Variants in ECI2 observed in about 807,000 individuals in gnomAD.
ECI2 encodes the protein D3,D2-enoyl-CoA isomerase.
In ECI2, 27 loss-of-function variants were observed where a neutral mutation model predicts 38.4. That is an observed-to-expected ratio of 0.70 (90% CI 0.52 to 0.97). The LOEUF (loss-of-function observed/expected upper bound fraction) is 0.97. Among genes scored for constraint, ECI2 ranks in the 50% least tolerant of loss-of-function variants. The probability of loss-of-function intolerance (pLI) is 0.00; values close to 1 mark genes in which losing one functional copy is unlikely to be tolerated. For synonymous variants in ECI2, 168 were observed against 172.0 expected (o/e 0.98, Z 0.18); for missense variants, 470 against 474.4 (o/e 0.99, Z 0.09).
chr6:4,134,447 T>C (rs1447758810), intron 1 of ECI2, among the ~76,000 whole-genome samples: 1 of 151,910 alleles, frequency 6.6e-6, no homozygotes, highest in East Asian at 1.9e-4. Context: ...TAAGCACACA[T>C]AGTGAGCGGG....
chr6:4,120,201 G>A (rs549274529), intron 7 of ECI2, among the ~76,000 whole-genome samples: 14 of 152,286 alleles, frequency 9.2e-5, no homozygotes, highest in Non-Finnish European at 1.8e-4. Flanking sequence ...ATCTAGTCGT[G>A]TGTTGCTTAA....
At chr6:4,125,423 A>G in intron 6 of ECI2, 53 bp from the exon 7 acceptor site, 2 of 1,607,568 alleles carry the variant, frequency 1.2e-6, no homozygotes, top group Admixed American at 1.7e-5. Context: ...GCATGACTAA[A>G]GCATGGGCAA....
intron 3 of ECI2, 52 bp from the exon 4 acceptor site, chr6:4,130,612 T>C: frequency 6.2e-7 from 1 of 1,613,476 alleles, no homozygotes; most frequent in Non-Finnish European, 8.5e-7. Context: ...AATAAGCACT[T>C]TGAGAAAGTT....
chr6:4,130,088 C>T (rs1486058418), intron 4 of ECI2: 35 of 1,606,270 alleles, frequency 2.2e-5, no homozygotes, highest in Non-Finnish European at 2.7e-5. Flanking sequence ...TATGCAAATT[C>T]TCTCATAGCA....
At chr6:4,120,891 G>A (rs1017381849) in intron 7 of ECI2, among the ~76,000 whole-genome samples, 1 of 152,148 alleles carries the variant, frequency 6.6e-6, no homozygotes, top group Non-Finnish European at 1.5e-5. Context: ...AAAATGTTCA[G>A]ATAATGTTAA....
At chr6:4,116,834 G>A (rs1395898154) in intron 9 of ECI2, among the ~76,000 whole-genome samples, 1 of 152,164 alleles carries the variant, frequency 6.6e-6, no homozygotes, top group Admixed American at 6.5e-5. Context: ...GTAGGTGTGG[G>A]GCAGGCCTGT....
chr6:4,131,419 A>G (rs1343261152), intron 2 of ECI2, among the ~76,000 whole-genome samples: 1 of 152,202 alleles, frequency 6.6e-6, no homozygotes, highest in Non-Finnish European at 1.5e-5. Flanking sequence ...AAGGAATTAA[A>G]TTTTATTTTT....
In ECI2 at chr6:4,135,267, T is replaced by C. The variant is rs545516294; in HGVS notation, c.50+244A>G. 110 of 1,204,716 alleles carry C rather than the reference T, an allele frequency of 9.1e-5. 2 individuals are homozygous for C. The South Asian group carries it at 1.4e-3, about 15-fold the overall frequency. The allele number at this position is 1,204,716 out of a possible 1,614,324, so 74.6% of individuals were successfully genotyped here. A position where few individuals can be genotyped will look rare whatever the true frequency, so the allele number is the denominator to read the frequency against. On this transcript the variant is annotated intron_variant, in intron 1 of 9. Coordinates refer to ENST00000380118, the MANE Select transcript of ECI2 (RefSeq NM_206836.3). ...GGCAGGCGGAGACCTTGGGGACTGC[T>C]GACAGGGAACCATAGCCCTGACCTC...
intron 2 of ECI2, among the ~76,000 whole-genome samples, chr6:4,133,240 T>C (rs1490113312): frequency 6.6e-6 from 1 of 152,176 alleles, no homozygotes; most frequent in East Asian, 1.9e-4. Flanking sequence ...ACTTCCCCAA[T>C]TGTCTTAAAA....
In ECI2 at chr6:4,121,968, G is replaced by A. The variant is rs754905709; in HGVS notation, c.796-2693C>T. On this transcript the variant is annotated intron_variant, in intron 7 of 9. Transcript: ENST00000380118. ...CAAAAGAAAACTTATTCAAAAAAAT[G>A]TACCCAGAAGACACAGCCTAAGGAA... 3.8e-6 allele frequency: 6 copies of A among 1,579,880 alleles called. No individual in the cohort carries two copies. In the African/African-American group the frequency reaches 8.2e-5, roughly 22 times the overall value.
chr6:4,127,985 T>C (rs1384532615), intron 4 of ECI2, among the ~76,000 whole-genome samples, 154 bp from the exon 5 acceptor site: 1 of 152,238 alleles, frequency 6.6e-6, no homozygotes, highest in Non-Finnish European at 1.5e-5. Flanking sequence ...TGGACCAACA[T>C]AACTGAAGGA....
intron 8 of ECI2, 76 bp from the exon 9 acceptor site, chr6:4,117,527 G>A: frequency 6.4e-7 from 1 of 1,551,954 alleles, no homozygotes. Flanking sequence ...CTTTCAGGAG[G>A]CTTAGAGAGA....
In ECI2 at chr6:4,119,306, C is replaced by T. The variant is rs573693168; in HGVS notation, c.796-31G>A. On this transcript the variant is annotated intron_variant, in intron 7 of 9. Coordinates refer to ENST00000380118, the MANE Select transcript of ECI2 (RefSeq NM_206836.3). ...GAGGCAGGAGAGAAAAGAAAACCAT[C>T]TTTTCATGTGTGATTTTTTTTTTTT... The T allele has an allele frequency of 2.7e-5, 40 of 1,491,778 alleles. No homozygotes were observed. In the South Asian group the frequency reaches 4.6e-4, roughly 17 times the overall value. 92.4% of individuals were successfully genotyped at this position (1,491,778 alleles called of 1,614,324 possible). A position where few individuals can be genotyped will look rare whatever the true frequency, so the allele number is the denominator to read the frequency against.
At position 4,116,533 on chromosome 6, in the gene ECI2, C is replaced by T. The variant is rs1335332597; in HGVS notation, c.1030-504G>A. ...TTGGCTCATTGCAACCTCTGCCTCC[C>T]GGGTTCAAGCAATTCTCCCTGCCTC... On this transcript the variant is annotated intron_variant, in intron 9 of 9. Coordinates refer to ENST00000380118, the MANE Select transcript of ECI2 (RefSeq NM_206836.3). Among the ~76,000 whole-genome samples, 155 of 151,154 alleles carry T rather than the reference C, an allele frequency of 1.0e-3. 2 individuals carry two copies. Among genetic ancestry groups the T allele is most frequent in the Non-Finnish European group, 4.0e-4 (27 of 67,788 alleles).
At chr6:4,125,847 A>C (rs529300033) in intron 6 of ECI2, 3 of 508,960 alleles carry the variant, frequency 5.9e-6, no homozygotes, top group African/African-American at 5.8e-5. Context: ...AGAATTTGCT[A>C]AATTCCTCTG....
At chr6:4,127,685 T>G in intron 5 of ECI2, 77 bp downstream of exon 5, 1 of 1,496,988 alleles carries the variant, frequency 6.7e-7, no homozygotes, top group Admixed American at 2.0e-5. Context: ...TCTTAGAGCT[T>G]TTTAACTCAA....
At chr6:4,116,087 A>G in intron 9 of ECI2, 58 bp from the exon 10 acceptor site, 1 of 1,559,284 alleles carries the variant, frequency 6.4e-7, no homozygotes, top group South Asian at 1.2e-5. Flanking sequence ...ACGTGGACTC[A>G]TGCCTGTAAT....
Position 4,127,768 on chromosome 6 carries a change from A to C in ECI2, c.565T>G (p.Leu189Val), listed in dbSNP as rs745712737. 6.2e-7 allele frequency: 1 copy of C among 1,613,056 alleles called. No homozygotes were observed. Among genetic ancestry groups the C allele is most frequent in the East Asian group, 2.2e-5 (1 of 44,804 alleles). The part of the protein sequence containing the change: ...ASKDDSIITV[L>V]TGNGDYYSSG... ...GCCTGAGAAAATGTCTTACCTGTTA[A>C]AACAGTGATGATTGAGTCATCCTTG... Residue 189 changes from leucine to valine, a missense_variant, in exon 5 of 10, where the codon TTA (leucine) becomes GTA (valine). Coordinates refer to ENST00000380118, the MANE Select transcript of ECI2 (RefSeq NM_206836.3).
chr6:4,131,685 C>G (rs955159092), intron 2 of ECI2, among the ~76,000 whole-genome samples: 2 of 151,832 alleles, frequency 1.3e-5, no homozygotes, highest in South Asian at 4.2e-4. Context: ...GGTAAAACCC[C>G]ATCTCTACTA....
Sources: gnomAD v4.1 joint callset for allele counts (sites outside exome capture counted in the v4.1 genomes callset) on GRCh38, gnomAD v4.1.1 for gene constraint, MANE v1.5 for transcripts, NCBI Gene and HGNC (gene_info 2026-07-23, HGNC 2026-07-21) for gene names.